PMM2: variants seen among roughly 807,000 people sequenced by gnomAD.
PMM2 encodes the protein phosphomannomutase 2, also known as mannose-6-phosphate isomerase.
In PMM2, 35 loss-of-function variants were observed where a neutral mutation model predicts 33.2. The ratio of observed to expected loss-of-function variants is 1.06; its 90% CI spans 0.81 to 1.40. The LOEUF (loss-of-function observed/expected upper bound fraction) is 1.40, where lower values mean the gene tolerates loss of function less well. Ranked by LOEUF, PMM2 falls within the 40% of genes most tolerant of loss-of-function variation. The pLI, the probability that PMM2 is intolerant of heterozygous loss-of-function variation, is 0.00. For missense variants in PMM2, 386 were observed against 306.0 expected, an observed-to-expected ratio of 1.26 and a Z score of -1.95; for synonymous variants, 153 against 114.7, an observed-to-expected ratio of 1.33 and a Z score of -2.13.
chr16:8,832,801 C>A (rs561241014), intron 7 of PMM2: 1 of 985,134 alleles, frequency 1.0e-6, no homozygotes, highest in Admixed American at 6.1e-5. Context: ...TGGCCCGGCC[C>A]CAGCCCCTGC....
chr16:8,812,417 A>G (rs923782881), intron 6 of PMM2, among the ~76,000 whole-genome samples: 2 of 152,342 alleles, frequency 1.3e-5, no homozygotes, highest in Non-Finnish European at 2.9e-5. Context: ...ATCAAGGTAG[A>G]GGTTGTAGGA....
intron 3 of PMM2, among the ~76,000 whole-genome samples, chr16:8,805,443 C>T (rs911841075): frequency 1.3e-5 from 2 of 152,238 alleles, no homozygotes; most frequent in South Asian, 2.1e-4. Flanking sequence ...TCCCAGTGGC[C>T]TAGAACTCCT....
intron 7 of PMM2, among the ~76,000 whole-genome samples, chr16:8,842,540 A>G (rs1418509788): frequency 6.6e-6 from 1 of 152,190 alleles, no homozygotes; most frequent in Admixed American, 6.5e-5. Context: ...AGGCTGGGAC[A>G]AGGGGTGCAG....
chr16:8,818,652 G>C (rs1424688964), intron 7 of PMM2, among the ~76,000 whole-genome samples: 1 of 152,222 alleles, frequency 6.6e-6, no homozygotes, highest in Non-Finnish European at 1.5e-5. Flanking sequence ...GCCTCCAGGA[G>C]GCAGAGTCTG....
chr16:8,803,039 C>A (rs139485779), intron 2 of PMM2, among the ~76,000 whole-genome samples: 57 of 152,236 alleles, frequency 3.7e-4, no homozygotes, highest in African/African-American at 1.3e-3. Context: ...CAGGCCTCTA[C>A]CCACTAGATG....
At chr16:8,815,955 T>C (rs1345092338) in intron 7 of PMM2, among the ~76,000 whole-genome samples, 1 of 149,368 alleles carries the variant, frequency 6.7e-6, no homozygotes, top group Admixed American at 6.6e-5. Context: ...AACAACTCAA[T>C]GGCAAAAAAA....
chr16:8,823,700 A>G (rs568655573), intron 7 of PMM2, among the ~76,000 whole-genome samples: 6 of 149,518 alleles, frequency 4.0e-5, no homozygotes, highest in African/African-American at 1.5e-4. Flanking sequence ...ATACCTGCAA[A>G]GATAAACCTG....
In PMM2 at chr16:8,801,849, C is replaced by T. The variant is rs1432030195; in HGVS notation, c.117C>T (p.Ile39=). The T allele has an allele frequency of 6.2e-7, 1 of 1,612,190 alleles. No individual in the cohort carries two copies. Among genetic ancestry groups the T allele is most frequent in the African/African-American group, 1.3e-5 (1 of 74,790 alleles). The change falls in exon 2 of 8, where the codon ATC becomes ATT. Residue 39 remains isoleucine, a synonymous_variant. Coordinates refer to ENST00000268261, the MANE Select transcript of PMM2 (RefSeq NM_000303.3). Reference sequence around the variant, plus strand: ...TCCTACAAAAATTGAGGCAGAAGATCAAAATCGGAGTGGTAGGCGGATCGG... The same window carrying T: ...TCCTACAAAAATTGAGGCAGAAGATTAAAATCGGAGTGGTAGGCGGATCGG... The part of the protein sequence containing the change: ...DDFLQKLRQK[I]KIGVVGGSDF...
Position 8,836,947 on chromosome 16 carries a change from C to T in PMM2, c.640-10777C>T, listed in dbSNP as rs572237306. On this transcript the variant is annotated intron_variant, in intron 7 of 7. Coordinates refer to ENST00000268261, the MANE Select transcript of PMM2 (RefSeq NM_000303.3). ...AATTGCTGGGCAGGTGGGGGAGGGC[C>T]AGTCACAGAATGAACTGTAAGCTGG... Among the ~76,000 whole-genome samples the T allele has an allele frequency of 9.5e-4, 144 of 152,050 alleles. 1 individual carries two copies. Among genetic ancestry groups the T allele is most frequent in the African/African-American group, 3.3e-3 (136 of 41,486 alleles).
intron 7 of PMM2, among the ~76,000 whole-genome samples, chr16:8,834,627 T>C (rs1324907599): frequency 3.9e-5 from 6 of 152,190 alleles, no homozygotes; most frequent in African/African-American, 1.2e-4. Flanking sequence ...AGTAGTAGAA[T>C]AGCAGATGGA....
intron 7 of PMM2, among the ~76,000 whole-genome samples, chr16:8,827,179 C>T (rs1330483739): frequency 1.3e-5 from 2 of 152,030 alleles, no homozygotes; most frequent in East Asian, 3.9e-4. Context: ...AAAACAGGGT[C>T]TGTGGAGCCT....
intron 7 of PMM2, among the ~76,000 whole-genome samples, chr16:8,835,789 T>C (rs2060841850): frequency 6.6e-6 from 1 of 151,340 alleles, no homozygotes; most frequent in Admixed American, 6.6e-5. Context: ...GGGGTAAGGG[T>C]GATTAGGTTT....
intron 1 of PMM2, among the ~76,000 whole-genome samples, chr16:8,799,795 C>T (rs1449549764): frequency 6.6e-6 from 1 of 152,074 alleles, no homozygotes; most frequent in African/African-American, 2.4e-5. Context: ...ATCCACCCGC[C>T]TCGGCCTCCC....
intron 7 of PMM2, among the ~76,000 whole-genome samples, chr16:8,820,290 G>T (rs7190763): frequency 0.023 from 3,546 of 151,520 alleles, 135 homozygotes; most frequent in African/African-American, 0.08. Context: ...ATTCACCAGT[G>T]ACCTTGTGAC....
intron 7 of PMM2, among the ~76,000 whole-genome samples, chr16:8,824,461 T>C (rs1033510137): frequency 6.6e-6 from 1 of 152,240 alleles, no homozygotes; most frequent in Non-Finnish European, 1.5e-5. Flanking sequence ...AGAACAGTTA[T>C]AATTATTACT....
At chr16:8,842,759 G>C (rs2060898363) in intron 7 of PMM2, among the ~76,000 whole-genome samples, 1 of 152,190 alleles carries the variant, frequency 6.6e-6, no homozygotes, top group Non-Finnish European at 1.5e-5. Context: ...AGAGTTTATA[G>C]GTTTTAGAAG....
At chr16:8,812,012 G>A (rs1412406053) in intron 6 of PMM2, among the ~76,000 whole-genome samples, 1 of 152,194 alleles carries the variant, frequency 6.6e-6, no homozygotes, top group Non-Finnish European at 1.5e-5. Context: ...GATTACTAAA[G>A]AGTAGGAACT....
Position 8,846,150 on chromosome 16 carries a change from C to G in PMM2, c.640-1574C>G, listed in dbSNP as rs72766377. 9.2e-3 allele frequency among the ~76,000 whole-genome samples: 1,398 copies of G among 152,256 alleles called. 9 individuals are homozygous for G. Among genetic ancestry groups the G allele is most frequent in the Non-Finnish European group, 0.016 (1,112 of 68,012 alleles). ...CCTAACCTGACTCCACCCAGCACTC[C>G]CTGGGCCCAGCGACGTTCCCTCCTG... On this transcript the variant is annotated intron_variant, in intron 7 of 7. Coordinates refer to ENST00000268261, the MANE Select transcript of PMM2 (RefSeq NM_000303.3).
intron 7 of PMM2, chr16:8,832,374 T>C (rs979445422): frequency 1.0e-6 from 1 of 985,398 alleles, no homozygotes; most frequent in Non-Finnish European, 1.2e-6. Flanking sequence ...GGATGGGAAT[T>C]GATTCTCCAG....
Sources: allele counts gnomAD v4.1 joint callset (sites outside exome capture counted in the v4.1 genomes callset), GRCh38; gene constraint gnomAD v4.1.1; transcripts MANE v1.5; gene names NCBI Gene and HGNC (gene_info 2026-07-23, HGNC 2026-07-21).